The following CALN1 variants were observed in gnomAD, a reference collection of about 807,000 sequenced individuals.
CALN1 encodes calcium-binding protein 8.
In CALN1, 17 loss-of-function variants were observed where a neutral mutation model predicts 30.6. That is an observed-to-expected ratio of 0.56 (90% confidence interval 0.38 to 0.83). The LOEUF (loss-of-function observed/expected upper bound fraction) is 0.83, where lower values mean the gene tolerates loss of function less well. Ranked by LOEUF, CALN1 falls within the 40% of genes least tolerant of loss-of-function variation. CALN1 has a pLI of 0.00. For missense variants in CALN1, 291 were observed against 354.9 expected (o/e 0.82, Z 1.45); for synonymous variants, 156 against 131.4 (o/e 1.19, Z -1.28).
intron 3 of CALN1, among the ~76,000 whole-genome samples, chr7:72,172,733 A>C (rs1333700592): frequency 6.6e-6 from 1 of 152,204 alleles, no homozygotes; most frequent in Non-Finnish European, 1.5e-5. Context: ...ACTTGACAAA[A>C]TTTAACAACT....
In CALN1 at chr7:71,834,981, A is replaced by G. The variant is rs148769565; in HGVS notation, c.502-24489T>C. Among the ~76,000 whole-genome samples the G allele has an allele frequency of 5.3e-5, 8 of 152,286 alleles. No homozygotes were observed. The South Asian group carries it at 6.2e-4, about 12-fold the overall frequency. On this transcript the variant is annotated intron_variant, in intron 5 of 6. Coordinates refer to ENST00000395275, the MANE Select transcript of CALN1 (RefSeq NM_031468.4). ...CGAGTAGTTGGGACTATGGGTGCAC[A>G]TCACCATGCCCAGGTAATTTTAAAA...
intron 5 of CALN1, among the ~76,000 whole-genome samples, chr7:71,811,195 C>T (rs915367795): frequency 1.3e-5 from 2 of 151,894 alleles, no homozygotes; most frequent in African/African-American, 4.8e-5. Context: ...CCACGCCCGG[C>T]CTAATTATGT....
intron 1 of CALN1, among the ~76,000 whole-genome samples, chr7:72,408,186 A>G (rs1010173413): frequency 2.6e-5 from 4 of 151,328 alleles, no homozygotes; most frequent in African/African-American, 9.7e-5. Context: ...TAATCCCAGC[A>G]CTTTGGGAGG....
intron 3 of CALN1, among the ~76,000 whole-genome samples, chr7:72,197,177 G>GTTTTTTT (rs1585140867): frequency 2.5e-5 from 2 of 81,132 alleles, no homozygotes; most frequent in East Asian, 6.7e-4. Context: ...TGGAAGGTTT[G>GTTTTTTT]CTTTTTTTTT....
intron 5 of CALN1, among the ~76,000 whole-genome samples, chr7:71,825,905 C>G (rs920007827): frequency 6.6e-6 from 1 of 151,456 alleles, no homozygotes; most frequent in Non-Finnish European, 1.5e-5. Context: ...TGGTGGCAGG[C>G]GCCTGTGATC....
chr7:72,398,247 G>T (rs1476110321), intron 2 of CALN1, among the ~76,000 whole-genome samples: 1 of 152,202 alleles, frequency 6.6e-6, no homozygotes, highest in East Asian at 1.9e-4. Context: ...TCCGTCACAA[G>T]GAAGTTTACA....
At chr7:72,264,451 A>G (rs944910308) in intron 3 of CALN1, among the ~76,000 whole-genome samples, 2 of 152,120 alleles carry the variant, frequency 1.3e-5, no homozygotes, top group African/African-American at 4.8e-5. Flanking sequence ...CTGTCTGTAG[A>G]TCCTAATCTG....
intron 1 of CALN1, among the ~76,000 whole-genome samples, chr7:72,421,771 G>A (rs1807620916): frequency 1.3e-5 from 2 of 151,658 alleles, no homozygotes; most frequent in African/African-American, 4.8e-5. Context: ...GTAATTTTTA[G>A]TAGAGACAGG....
the CALN1 span, among the ~76,000 whole-genome samples, chr7:72,458,091 C>T: frequency 2.2e-5 from 3 of 137,622 alleles, no homozygotes; most frequent in East Asian, 2.1e-4. Context: ...ACAGAGTGGC[C>T]TCACAACAAA....
Position 71,785,164 on chromosome 7 carries a change from T to C in CALN1, c.*2611A>G, listed in dbSNP as rs1457314735. ...CTAGGCTGTCAGAAAGAATTCTGTG[T>C]CTTCCTTCTTGCCATCTCTCTCTAG... On this transcript the variant is annotated 3_prime_UTR_variant, in exon 7 of 7. Coordinates refer to ENST00000395275, the MANE Select transcript of CALN1 (RefSeq NM_031468.4). 8 of 311,418 alleles carry C rather than the reference T, an allele frequency of 2.6e-5. No homozygotes were observed. The highest frequency in any genetic ancestry group is 4.7e-5 in the Non-Finnish European group (8 of 171,354). 19.3% of individuals were successfully genotyped at this position (311,418 alleles called of 1,614,324 possible).
intron 5 of CALN1, among the ~76,000 whole-genome samples, chr7:71,846,363 T>G (rs1790235054): frequency 6.6e-6 from 1 of 151,998 alleles, no homozygotes; most frequent in South Asian, 2.1e-4. Flanking sequence ...TGAGGCGCTG[T>G]CCATGGTCAT....
At chr7:72,200,934 T>TA (rs1258927364) in intron 3 of CALN1, among the ~76,000 whole-genome samples, 1 of 152,202 alleles carries the variant, frequency 6.6e-6, no homozygotes, top group Non-Finnish European at 1.5e-5. Context: ...TACTGGGATA[T>TA]ACCCAAAGGA....
chr7:72,160,118 C>T (rs1213168632), intron 3 of CALN1, among the ~76,000 whole-genome samples: 1 of 152,028 alleles, frequency 6.6e-6, no homozygotes, highest in Non-Finnish European at 1.5e-5. Context: ...CACTAAGTTA[C>T]GTAGTAACAC....
Position 71,964,868 on chromosome 7 carries a change from C to G in CALN1, c.501+58789G>C, listed in dbSNP as rs147456516. On this transcript the variant is annotated intron_variant, in intron 5 of 6. Coordinates refer to ENST00000395275, the MANE Select transcript of CALN1 (RefSeq NM_031468.4). ...TTCCAATACTGACCAATGTAATGTTCTATCAGTCCATGAAGAAATCTGTAA... is the reference window on the plus strand; with the variant it reads ...TTCCAATACTGACCAATGTAATGTTGTATCAGTCCATGAAGAAATCTGTAA... 3.4e-3 allele frequency among the ~76,000 whole-genome samples: 516 copies of G among 152,226 alleles called. 1 individual carries two copies. Among genetic ancestry groups the G allele is most frequent in the Admixed American group, 5.5e-3 (84 of 15,280 alleles).
At chr7:71,971,288 A>G (rs1163831240) in intron 5 of CALN1, among the ~76,000 whole-genome samples, 1 of 152,126 alleles carries the variant, frequency 6.6e-6, no homozygotes, top group Non-Finnish European at 1.5e-5. Flanking sequence ...GTCTCTACTA[A>G]AAATACAAAA....
At chr7:72,297,268 C>T (rs1176490518) in intron 2 of CALN1, among the ~76,000 whole-genome samples, 1 of 151,872 alleles carries the variant, frequency 6.6e-6, no homozygotes, top group African/African-American at 2.4e-5. Context: ...GTCCTCAATG[C>T]TAACTTCTTA....
chr7:71,957,398 A>T (rs1372670061), intron 5 of CALN1, among the ~76,000 whole-genome samples: 1 of 152,206 alleles, frequency 6.6e-6, no homozygotes, highest in Non-Finnish European at 1.5e-5. Context: ...GTTTAAAAAA[A>T]TAAAACAAAG....
At chr7:72,262,180 G>A (rs992998610) in intron 3 of CALN1, among the ~76,000 whole-genome samples, 17 of 152,126 alleles carry the variant, frequency 1.1e-4, no homozygotes, top group African/African-American at 3.9e-4. Flanking sequence ...TCCTACCCAA[G>A]GAATAAGTAT....
rs144923526 is a variant in CALN1, at chr7:72,275,036, C to T, written c.244+3650G>A. 1.6e-3 allele frequency among the ~76,000 whole-genome samples: 240 copies of T among 152,210 alleles called. 1 individual carries two copies. The highest frequency in any genetic ancestry group is 2.8e-3 in the Non-Finnish European group (190 of 68,020). ...GAAGTGCACACCTTTGGCCCTTACA[C>T]TGGAGGAAAGGGATTTTCCATCATT... On this transcript the variant is annotated intron_variant, in intron 3 of 6. Transcript: ENST00000395275.
Sources: allele counts gnomAD v4.1 joint callset (sites outside exome capture counted in the v4.1 genomes callset), GRCh38; gene constraint gnomAD v4.1.1; transcripts MANE v1.5; gene names NCBI Gene and HGNC (gene_info 2026-07-23, HGNC 2026-07-21).